The following FHIT variants were observed in gnomAD, a reference collection of about 807,000 sequenced individuals.
FHIT encodes the protein fragile histidine triad diadenosine triphosphatase.
A neutral mutation model predicts 17.9 loss-of-function variants in FHIT; 19 were observed. The ratio of observed to expected loss-of-function variants is 1.06; its 90% CI spans 0.74 to 1.56. FHIT has a LOEUF of 1.56. Ranked by LOEUF, FHIT falls within the 40% of genes most tolerant of loss-of-function variation. The probability of loss-of-function intolerance (pLI) is 0.00; values close to 1 mark genes in which losing one functional copy is unlikely to be tolerated. For missense variants in FHIT, 248 were observed against 189.2 expected (o/e 1.31, Z -1.82); for synonymous variants, 81 against 69.7 (o/e 1.16, Z -0.81).
chr3:60,973,687 G>C (rs1710121500), intron 3 of FHIT, among the ~76,000 whole-genome samples: 1 of 152,020 alleles, frequency 6.6e-6, no homozygotes, highest in African/African-American at 2.4e-5. Flanking sequence ...TCATCATTTT[G>C]GTATGATCAC....
intron 7 of FHIT, among the ~76,000 whole-genome samples, chr3:60,001,616 G>C (rs1396267101): frequency 6.6e-6 from 1 of 152,168 alleles, no homozygotes; most frequent in African/African-American, 2.4e-5. Flanking sequence ...GAAGATGAAA[G>C]ACAGACTTAA....
intron 5 of FHIT, among the ~76,000 whole-genome samples, chr3:60,387,293 C>T (rs73090101): frequency 0.3 from 45,829 of 151,810 alleles, 7,117 homozygotes; most frequent in East Asian, 0.47. Context: ...GCCCAGCCAA[C>T]TTATTCTTTA....
intron 3 of FHIT, among the ~76,000 whole-genome samples, chr3:60,837,488 T>A (rs1438839857): frequency 6.6e-6 from 1 of 152,200 alleles, no homozygotes; most frequent in Admixed American, 6.5e-5. Flanking sequence ...TTTCGTCTAT[T>A]GTTATATTGA....
intron 2 of FHIT, among the ~76,000 whole-genome samples, chr3:61,103,249 T>C (rs1465072307): frequency 6.6e-6 from 1 of 152,244 alleles, no homozygotes; most frequent in African/African-American, 2.4e-5. Context: ...TTCTGCTACA[T>C]TGTGTCTTTG....
intron 5 of FHIT, among the ~76,000 whole-genome samples, chr3:60,309,619 G>A (rs1708848386): frequency 6.6e-6 from 1 of 152,086 alleles, no homozygotes; most frequent in South Asian, 2.1e-4. Flanking sequence ...GAGGCTTTTT[G>A]TGAAACCCTG....
intron 7 of FHIT, among the ~76,000 whole-genome samples, chr3:59,942,364 G>C (rs1706566008): frequency 6.6e-6 from 1 of 152,108 alleles, no homozygotes; most frequent in Admixed American, 6.5e-5. Context: ...AGTCAGATGT[G>C]ATGCTTCAAA....
In FHIT at chr3:60,029,897, C is replaced by CTGTGTGTGTCTGTGTGTGTGTGTG. The variant is rs1354637337; in HGVS notation, c.104-15746_104-15745insCACACACACACACAGACACACACA. Among the ~76,000 whole-genome samples the CTGTGTGTGTCTGTGTGTGTGTGTG allele has an allele frequency of 1.7e-3, 217 of 127,902 alleles. 1 individual carries two copies. Among genetic ancestry groups the CTGTGTGTGTCTGTGTGTGTGTGTG allele is most frequent in the African/African-American group, 6.8e-3 (204 of 30,158 alleles). The allele number at this position is 127,902 out of a possible 152,430, so 83.9% of individuals were successfully genotyped here. Reference sequence around the variant, plus strand: ...AGAAGCATTGTGTGTGTGTGTGTGTCTGTGTGTGTGTGTGTGTGTGTGTGT... The same window carrying CTGTGTGTGTCTGTGTGTGTGTGTG: ...AGAAGCATTGTGTGTGTGTGTGTGTCTGTGTGTGTCTGTGTGTGTGTGTGTGTGTGTGTGTGTGTGTGTGTGTGT... On this transcript the variant is annotated intron_variant, in intron 5 of 9. Transcript: ENST00000492590.
intron 8 of FHIT, among the ~76,000 whole-genome samples, chr3:59,895,765 G>C (rs1704042143): frequency 6.6e-6 from 1 of 152,196 alleles, no homozygotes. Flanking sequence ...CATATGTCCT[G>C]TTAAAGGCGT....
At chr3:60,110,520 G>A (rs554340423) in intron 5 of FHIT, among the ~76,000 whole-genome samples, 1 of 152,128 alleles carries the variant, frequency 6.6e-6, no homozygotes, top group Non-Finnish European at 1.5e-5. Context: ...ATGTAAAACA[G>A]GTGTGATTCA....
chr3:59,960,689 A>T (rs1707631644), intron 7 of FHIT, among the ~76,000 whole-genome samples: 1 of 152,172 alleles, frequency 6.6e-6, no homozygotes, highest in East Asian at 1.9e-4. Context: ...TATTCTTCTA[A>T]TACACTTCTT....
chr3:60,305,786 C>T (rs1025673847), intron 5 of FHIT, among the ~76,000 whole-genome samples: 4 of 152,022 alleles, frequency 2.6e-5, no homozygotes, highest in Non-Finnish European at 5.9e-5. Flanking sequence ...AGTCATAACA[C>T]GTATCTCATG....
At chr3:60,648,210 G>A (rs958040769) in intron 4 of FHIT, among the ~76,000 whole-genome samples, 3 of 152,152 alleles carry the variant, frequency 2.0e-5, no homozygotes, top group Non-Finnish European at 4.4e-5. Flanking sequence ...AAATTTATCA[G>A]GTAATTGGAA....
intron 5 of FHIT, among the ~76,000 whole-genome samples, chr3:60,390,184 ATTTG>A (rs1417555624): frequency 1.3e-5 from 2 of 152,264 alleles, no homozygotes; most frequent in Admixed American, 6.5e-5. Flanking sequence ...AATGAAAATA[ATTTG>A]TTTATCTGAG....
At chr3:60,260,847 C>T (rs1576384488) in intron 5 of FHIT, among the ~76,000 whole-genome samples, 1 of 152,126 alleles carries the variant, frequency 6.6e-6, no homozygotes, top group South Asian at 2.1e-4. Flanking sequence ...CTCTGGTTGT[C>T]CTCAATGCTC....
intron 2 of FHIT, among the ~76,000 whole-genome samples, chr3:61,063,652 G>A (rs1046840852): frequency 6.6e-6 from 1 of 152,226 alleles, no homozygotes; most frequent in East Asian, 1.9e-4. Flanking sequence ...TGGGGGCCAG[G>A]ACGTTAACAT....
intron 7 of FHIT, among the ~76,000 whole-genome samples, chr3:59,998,527 G>T (rs1699605548): frequency 6.6e-6 from 1 of 152,094 alleles, no homozygotes; most frequent in African/African-American, 2.4e-5. Flanking sequence ...TCTTTAGAGA[G>T]ATTCATTTAC....
chr3:60,313,771 G>A (rs1051042679), intron 5 of FHIT, among the ~76,000 whole-genome samples: 8 of 152,134 alleles, frequency 5.3e-5, no homozygotes, highest in African/African-American at 1.9e-4. Context: ...AGAGGATGAG[G>A]TTAGATCTTT....
At chr3:60,732,683 G>GT in intron 4 of FHIT, 7 of 193,152 alleles carry the variant, frequency 3.6e-5, no homozygotes, top group South Asian at 1.9e-4. Context: ...TGCAAAGACT[G>GT]CTTTTTTTTT....
At chr3:60,104,381 C>A (rs745499221) in intron 5 of FHIT, among the ~76,000 whole-genome samples, 5 of 151,988 alleles carry the variant, frequency 3.3e-5, no homozygotes, top group Non-Finnish European at 5.9e-5. Context: ...TTTGAAATGA[C>A]CCAAATCATT....
Sources: gnomAD v4.1 joint callset for allele counts (sites outside exome capture counted in the v4.1 genomes callset) on GRCh38, gnomAD v4.1.1 for gene constraint, MANE v1.5 for transcripts, NCBI Gene and HGNC (gene_info 2026-07-23, HGNC 2026-07-21) for gene names.